Variants in DLGAP2 observed in about 807,000 individuals in gnomAD.
DLGAP2 encodes DLG associated protein 2.
DLGAP2 carries 26 observed loss-of-function variants against 100.3 expected under a neutral mutation model. The ratio of observed to expected loss-of-function variants is 0.26; its 90% CI spans 0.19 to 0.36. The LOEUF (loss-of-function observed/expected upper bound fraction) is 0.36. Ranked by LOEUF, DLGAP2 falls within the 10% of genes least tolerant of loss-of-function variation. DLGAP2 has a pLI of 1.00. For synonymous variants in DLGAP2, 886 were observed against 630.1 expected, an observed-to-expected ratio of 1.41 and a Z score of -6.08; for missense variants, 1,858 against 1,453.2, an observed-to-expected ratio of 1.28 and a Z score of -4.53.
chr8:1,530,170 A>G (rs976310534), intron 4 of DLGAP2, among the ~76,000 whole-genome samples: 5 of 152,176 alleles, frequency 3.3e-5, no homozygotes, highest in Non-Finnish European at 5.9e-5. Context: ...TGGGAGCACT[A>G]TGGGAGACTG....
chr8:1,374,382 A>G (rs1480628299), intron 3 of DLGAP2, among the ~76,000 whole-genome samples: 2 of 152,148 alleles, frequency 1.3e-5, no homozygotes, highest in Admixed American at 1.3e-4. Context: ...GCAGGGAGGC[A>G]GCTCCCTGAT....
intron 6 of DLGAP2, among the ~76,000 whole-genome samples, chr8:1,606,243 A>G (rs1381702966): frequency 2.0e-5 from 3 of 152,064 alleles, no homozygotes; most frequent in Non-Finnish European, 4.4e-5. Context: ...TTCGTATCTT[A>G]TTTTCCTCCT....
At chr8:1,326,405 C>T (rs1473503017) in intron 3 of DLGAP2, among the ~76,000 whole-genome samples, 2 of 152,234 alleles carry the variant, frequency 1.3e-5, no homozygotes, top group African/African-American at 2.4e-5. Context: ...CCCACTGACT[C>T]ACTGATGAGC....
intron 4 of DLGAP2, among the ~76,000 whole-genome samples, chr8:1,515,905 G>A (rs1584975536): frequency 6.6e-6 from 1 of 152,232 alleles, no homozygotes; most frequent in Non-Finnish European, 1.5e-5. Context: ...TTATTACAAT[G>A]TGCAGTTCCC....
At chr8:1,069,353 G>A (rs1168954897) in intron 2 of DLGAP2, among the ~76,000 whole-genome samples, 1 of 152,134 alleles carries the variant, frequency 6.6e-6, no homozygotes, top group Non-Finnish European at 1.5e-5. Flanking sequence ...GACAGGTCGC[G>A]AGGACACCAG....
chr8:1,327,513 T>G (rs1007433775), intron 3 of DLGAP2, among the ~76,000 whole-genome samples: 1 of 152,212 alleles, frequency 6.6e-6, no homozygotes, highest in African/African-American at 2.4e-5. Flanking sequence ...AAGTTGAACT[T>G]GACCTTTTTA....
chr8:939,050 C>G (rs1216912153), intron 2 of DLGAP2, among the ~76,000 whole-genome samples: 3 of 152,106 alleles, frequency 2.0e-5, no homozygotes, highest in Admixed American at 2.0e-4. Flanking sequence ...GGATCACGGC[C>G]CCTGCCTGGG....
At chr8:1,357,815 C>G (rs1314207611) in intron 3 of DLGAP2, among the ~76,000 whole-genome samples, 1 of 152,184 alleles carries the variant, frequency 6.6e-6, no homozygotes, top group Non-Finnish European at 1.5e-5. Flanking sequence ...TACGCTGGGG[C>G]TCAGGGCTGT....
chr8:942,247 C>A (rs542572398), intron 2 of DLGAP2, among the ~76,000 whole-genome samples: 18 of 152,318 alleles, frequency 1.2e-4, no homozygotes, highest in Non-Finnish European at 2.1e-4. Flanking sequence ...ATGGGCCCAG[C>A]CCTGAGCATT....
chr8:1,629,902 C>G (rs1052904573), intron 7 of DLGAP2, among the ~76,000 whole-genome samples: 2 of 152,118 alleles, frequency 1.3e-5, no homozygotes, highest in African/African-American at 2.4e-5. Flanking sequence ...TATACTAGTT[C>G]TCTCGTCATC....
intron 3 of DLGAP2, among the ~76,000 whole-genome samples, chr8:1,461,061 G>C (rs1267155875): frequency 1.3e-5 from 2 of 151,664 alleles, no homozygotes; most frequent in African/African-American, 4.8e-5. Context: ...CAGGAGGAGA[G>C]AGAAGGGCGG....
chr8:1,140,972 G>C (rs879255892), intron 2 of DLGAP2, among the ~76,000 whole-genome samples: 18 of 152,352 alleles, frequency 1.2e-4, no homozygotes, highest in African/African-American at 3.6e-4. Flanking sequence ...GACAGGGCAA[G>C]ACTCTGTCTC....
At chr8:1,590,378 C>G (rs1796255570) in intron 6 of DLGAP2, among the ~76,000 whole-genome samples, 1 of 152,198 alleles carries the variant, frequency 6.6e-6, no homozygotes, top group South Asian at 2.1e-4. Flanking sequence ...TTATCAGACA[C>G]TGTTTCTGAA....
chr8:836,147 C>T (rs1029642631), intron 1 of DLGAP2, among the ~76,000 whole-genome samples: 2 of 152,222 alleles, frequency 1.3e-5, no homozygotes, highest in Non-Finnish European at 2.9e-5. Context: ...TAAATTTAGA[C>T]ACCGAATCCT....
In DLGAP2 at chr8:1,592,833, C is replaced by T. The variant is rs75182591; in HGVS notation, c.1442+26939C>T. 5.8e-3 allele frequency among the ~76,000 whole-genome samples: 883 copies of T among 152,228 alleles called. 7 individuals carry two copies. The highest frequency in any genetic ancestry group is 0.02 in the African/African-American group (827 of 41,532). The stretch of plus-strand genomic sequence containing the variant: ...GCTCAGACTTCTCTGTGAGCATCAC[C>T]GACTGACCAGGGTACCGCTGGCTGG... On this transcript the variant is annotated intron_variant, in intron 6 of 14. Coordinates refer to ENST00000637795, the MANE Select transcript of DLGAP2 (RefSeq NM_001346810.2).
intron 2 of DLGAP2, among the ~76,000 whole-genome samples, chr8:1,258,473 A>G (rs866365591): frequency 1.3e-5 from 2 of 152,190 alleles, no homozygotes; most frequent in South Asian, 2.1e-4. Context: ...ATTAGAACAA[A>G]TACCTATTGC....
intron 3 of DLGAP2, among the ~76,000 whole-genome samples, chr8:1,447,953 T>C (rs1218422122): frequency 6.6e-6 from 1 of 152,220 alleles, no homozygotes; most frequent in Non-Finnish European, 1.5e-5. Context: ...CTTTTTTTAT[T>C]GCATCTATTT....
At chr8:1,288,541 T>A (rs1477630550) in intron 3 of DLGAP2, among the ~76,000 whole-genome samples, 17 of 45,790 alleles carry the variant, frequency 3.7e-4, no homozygotes, top group Non-Finnish European at 6.1e-4. Flanking sequence ...TTCAGTTGAG[T>A]GTGTGTGTGT....
chr8:1,267,569 A>AATAATAAAATAAAATAAATG, intron 3 of DLGAP2, among the ~76,000 whole-genome samples: 1 of 50,796 alleles, frequency 2.0e-5, no homozygotes, highest in African/African-American at 9.2e-5. Context: ...AAAATAAAAT[A>AATAATAAAATAAAATAAATG]AAATAAAATA....
Sources: gnomAD v4.1 joint callset for allele counts (sites outside exome capture counted in the v4.1 genomes callset) on GRCh38, gnomAD v4.1.1 for gene constraint, MANE v1.5 for transcripts, NCBI Gene and HGNC (gene_info 2026-07-23, HGNC 2026-07-21) for gene names.